Variants in DSCAM observed in about 807,000 individuals in gnomAD.
DSCAM encodes DS cell adhesion molecule.
A neutral mutation model predicts 217.7 loss-of-function variants in DSCAM; 47 were observed. That is an observed-to-expected ratio of 0.22 (90% CI 0.17 to 0.28). The LOEUF (loss-of-function observed/expected upper bound fraction) is 0.28, where lower values mean the gene tolerates loss of function less well. Among genes scored for constraint, DSCAM ranks in the 10% least tolerant of loss-of-function variants. The pLI, the probability that DSCAM is intolerant of heterozygous loss-of-function variation, is 1.00. For synonymous variants in DSCAM, 1,056 were observed against 1,015.3 expected (o/e 1.04, Z -0.76); for missense variants, 2,080 against 2,618.3 (o/e 0.79, Z 4.49).
intron 3 of DSCAM, among the ~76,000 whole-genome samples, chr21:40,568,622 T>C (rs550046951): frequency 1.5e-4 from 23 of 152,374 alleles, no homozygotes; most frequent in African/African-American, 5.5e-4. Flanking sequence ...CTGGAAGTTA[T>C]ATTGATTTTT....
At chr21:40,035,802 T>TATAAC (rs1369173309) in intron 32 of DSCAM, among the ~76,000 whole-genome samples, 1 of 144,328 alleles carries the variant, frequency 6.9e-6, no homozygotes, top group Non-Finnish European at 1.5e-5. Context: ...GAACAGAAAT[T>TATAAC]ATAACAAACT....
intron 3 of DSCAM, among the ~76,000 whole-genome samples, chr21:40,613,484 A>C (rs1303908867): frequency 6.6e-6 from 1 of 152,210 alleles, no homozygotes; most frequent in Non-Finnish European, 1.5e-5. Flanking sequence ...TGTAACATCT[A>C]AGGCAAAATT....
chr21:40,361,992 A>C (rs1158760143), intron 4 of DSCAM, among the ~76,000 whole-genome samples: 1 of 152,142 alleles, frequency 6.6e-6, no homozygotes, highest in Non-Finnish European at 1.5e-5. Context: ...CTCATTGTTC[A>C]ATTCCCATCT....
At chr21:40,028,108 T>TG (rs990262544) in intron 32 of DSCAM, among the ~76,000 whole-genome samples, 1 of 75,940 alleles carries the variant, frequency 1.3e-5, no homozygotes, top group African/African-American at 5.3e-5. Context: ...GCAGGTCTGT[T>TG]GGAGTACCCT....
At chr21:40,283,635 G>C (rs915713932) in intron 10 of DSCAM, among the ~76,000 whole-genome samples, 11 of 152,190 alleles carry the variant, frequency 7.2e-5, no homozygotes, top group Admixed American at 6.5e-4. Flanking sequence ...ACTTGGATAA[G>C]AGTCAAAAGG....
At chr21:40,274,412 A>C (rs1003326987) in intron 11 of DSCAM, among the ~76,000 whole-genome samples, 1 of 152,186 alleles carries the variant, frequency 6.6e-6, no homozygotes, top group African/African-American at 2.4e-5. Context: ...CTTGTCACTC[A>C]TGAGGGTAAG....
intron 1 of DSCAM, among the ~76,000 whole-genome samples, chr21:40,838,064 C>T (rs961056831): frequency 3.3e-5 from 5 of 152,092 alleles, no homozygotes; most frequent in African/African-American, 1.2e-4. Flanking sequence ...AAGTATATTT[C>T]CTTAAAGTAA....
chr21:40,429,864 G>A (rs1228431196), intron 3 of DSCAM, among the ~76,000 whole-genome samples: 1 of 152,162 alleles, frequency 6.6e-6, no homozygotes, highest in Non-Finnish European at 1.5e-5. Flanking sequence ...CAGATGGTGA[G>A]ATGCAAAATA....
At chr21:40,643,754 G>C (rs927128219) in intron 3 of DSCAM, among the ~76,000 whole-genome samples, 2 of 152,228 alleles carry the variant, frequency 1.3e-5, no homozygotes, top group Non-Finnish European at 2.9e-5. Flanking sequence ...GCCACACACA[G>C]AGATACCAGG....
intron 4 of DSCAM, among the ~76,000 whole-genome samples, chr21:40,354,364 A>G (rs570521486): frequency 2.0e-5 from 3 of 152,206 alleles, no homozygotes; most frequent in Middle Eastern, 3.4e-3. Flanking sequence ...ATATCATAAA[A>G]TTAATAAAAT....
intron 3 of DSCAM, among the ~76,000 whole-genome samples, chr21:40,553,884 T>C (rs759828346): frequency 1.3e-5 from 2 of 152,158 alleles, no homozygotes; most frequent in Non-Finnish European, 2.9e-5. Context: ...ATTTATCATA[T>C]GACAAAACTG....
chr21:40,602,457 C>T (rs1568931757), intron 3 of DSCAM, among the ~76,000 whole-genome samples: 1 of 152,078 alleles, frequency 6.6e-6, no homozygotes, highest in Non-Finnish European at 1.5e-5. Context: ...GTGCCTGATG[C>T]TATCTTTTTT....
intron 3 of DSCAM, among the ~76,000 whole-genome samples, chr21:40,537,632 G>A (rs1439624869): frequency 1.3e-5 from 2 of 152,144 alleles, no homozygotes; most frequent in Admixed American, 6.5e-5. Flanking sequence ...TATGCCTGGT[G>A]TCTTTATAAA....
chr21:40,443,443 A>C (rs1601648395), intron 3 of DSCAM, among the ~76,000 whole-genome samples: 1 of 152,182 alleles, frequency 6.6e-6, no homozygotes, highest in African/African-American at 2.4e-5. Flanking sequence ...AAAGAGTTGA[A>C]GCTGCAGATG....
At chr21:40,270,018 A>G (rs979909632) in intron 11 of DSCAM, among the ~76,000 whole-genome samples, 1 of 152,226 alleles carries the variant, frequency 6.6e-6, no homozygotes, top group Non-Finnish European at 1.5e-5. Context: ...CATCTGCTAT[A>G]TGGACCCTCC....
intron 15 of DSCAM, among the ~76,000 whole-genome samples, chr21:40,169,659 G>A (rs2090634560): frequency 6.6e-6 from 1 of 152,146 alleles, no homozygotes; most frequent in South Asian, 2.1e-4. Flanking sequence ...AGAAATATGA[G>A]TTTGAAAGGA....
chr21:40,840,391 G>A lies in DSCAM; in HGVS notation c.43+6228C>T, dbSNP rs557132076. ...AGAGCTGGGGGTGGCGGAGTGGGCG[G>A]GGAACCTAAATGTCGGTTTGATGTT... is the stretch of plus-strand genomic sequence containing the variant. On this transcript the variant is annotated intron_variant, in intron 1 of 32. Transcript: ENST00000400454. 1.2e-3 allele frequency among the ~76,000 whole-genome samples: 185 copies of A among 149,016 alleles called. 2 individuals carry two copies. Among genetic ancestry groups the A allele is most frequent in the African/African-American group, 4.1e-3 (157 of 38,462 alleles).
chr21:40,276,851 C>T (rs1299171431), intron 10 of DSCAM, among the ~76,000 whole-genome samples: 4 of 151,934 alleles, frequency 2.6e-5, no homozygotes, highest in Admixed American at 2.0e-4. Context: ...AGTAAGACAG[C>T]ACAGAATTAA....
chr21:40,125,062 C>T (rs896719937), intron 19 of DSCAM, among the ~76,000 whole-genome samples: 4 of 152,176 alleles, frequency 2.6e-5, no homozygotes, highest in African/African-American at 9.7e-5. Flanking sequence ...ACCCCACCCT[C>T]CCTCACCCTA....
Sources: gnomAD v4.1 joint callset for allele counts (sites outside exome capture counted in the v4.1 genomes callset) on GRCh38, gnomAD v4.1.1 for gene constraint, MANE v1.5 for transcripts, NCBI Gene and HGNC (gene_info 2026-07-23, HGNC 2026-07-21) for gene names.